Variants in CLIP2 observed in about 807,000 individuals in gnomAD.
The protein encoded by CLIP2 is CAP-Gly domain-containing linker protein 2.
A neutral mutation model predicts 111.7 loss-of-function variants in CLIP2; 41 were observed. The ratio of observed to expected loss-of-function variants is 0.37; its 90% CI spans 0.29 to 0.48. CLIP2 has a LOEUF of 0.48. Among genes scored for constraint, CLIP2 ranks in the 20% least tolerant of loss-of-function variants. The probability of loss-of-function intolerance (pLI) is 0.99; values close to 1 mark genes in which losing one functional copy is unlikely to be tolerated. For synonymous variants in CLIP2, 660 were observed against 644.2 expected, an observed-to-expected ratio of 1.02 and a Z score of -0.37; for missense variants, 1,160 against 1,422.1, an observed-to-expected ratio of 0.82 and a Z score of 2.96.
chr7:74,303,000 G>A (rs1554727067), intron 1 of CLIP2, among the ~76,000 whole-genome samples: 3 of 152,130 alleles, frequency 2.0e-5, no homozygotes, highest in African/African-American at 2.4e-5. Context: ...GCAGCTCCCC[G>A]CAGGCCTGGC....
chr7:74,338,649 G>A lies in CLIP2; in HGVS notation c.323G>A (p.Trp108Ter), dbSNP rs1554732642. The change falls in exon 3 of 17, where the codon TGG becomes TAG. Residue 108 changes from tryptophan to a stop codon, truncating the protein, a stop_gained. Coordinates refer to ENST00000223398, the MANE Select transcript of CLIP2 (RefSeq NM_003388.5). LOFTEE classifies it high-confidence loss of function. This position sits in a 1 kb window ranked among gnomAD's most constrained non-coding sequence, Gnocchi z 4.3. ...GAGACGCAGTTCGCACCGGGCCAGT[G>A]GGCTGGCGTGGTGCTGGACGACCCG... ...LGETQFAPGQ[W>*]AGVVLDDPVG... 1 of 1,569,888 alleles carries A rather than the reference G, an allele frequency of 6.4e-7. No individual in the cohort carries two copies. Among genetic ancestry groups the A allele is most frequent in the Non-Finnish European group, 8.6e-7 (1 of 1,160,328 alleles).
intron 2 of CLIP2, among the ~76,000 whole-genome samples, chr7:74,328,000 T>G (rs1789165706): frequency 6.6e-6 from 1 of 152,150 alleles, no homozygotes; most frequent in African/African-American, 2.4e-5. Context: ...TCAGGAAGAA[T>G]GCCCAGCAGA....
intron 7 of CLIP2, 29 bp downstream of exon 7, chr7:74,360,307 C>T (rs376541697): frequency 1.8e-5 from 28 of 1,516,384 alleles, no homozygotes; most frequent in Non-Finnish European, 2.3e-5. Flanking sequence ...TCGCCCTGGC[C>T]CTGAGTCCCC....
chr7:74,331,205 CAAAAAAAAA>C (rs58844348), intron 2 of CLIP2, among the ~76,000 whole-genome samples: 9 of 59,942 alleles, frequency 1.5e-4, no homozygotes, highest in African/African-American at 7.0e-4. Flanking sequence ...GACTCCATCT[CAAAAAAAAA>C]AAAAAAAAAA....
Position 74,382,090 on chromosome 7 carries a change from A to ATT in CLIP2, c.2479+1236_2479+1237dup, listed in dbSNP as rs34473926. Among the ~76,000 whole-genome samples the ATT allele has an allele frequency of 4.6e-4, 69 of 149,986 alleles. 1 individual carries two copies. The highest frequency in any genetic ancestry group is 3.4e-3 in the Middle Eastern group (1 of 292). The stretch of plus-strand genomic sequence containing the variant: ...GAAGTTAAGAGGTATTTCTATTTGC[A>ATT]TTTTTTTTTTGAGACGGAGTTTCAC... On this transcript the variant is annotated intron_variant, in intron 11 of 16. Coordinates refer to ENST00000223398, the MANE Select transcript of CLIP2 (RefSeq NM_003388.5).
chr7:74,314,821 G>GT (rs1326597804), intron 1 of CLIP2, among the ~76,000 whole-genome samples: 3 of 152,216 alleles, frequency 2.0e-5, no homozygotes, highest in Non-Finnish European at 4.4e-5. Context: ...AGGCCTGGGG[G>GT]TGGGGGGCTT....
In CLIP2 at chr7:74,403,866, G is replaced by T; in HGVS notation, c.*18G>T. On this transcript the variant is annotated 3_prime_UTR_variant, in exon 17 of 17. Transcript: ENST00000223398. ...AGCACTGATCCTGAGGGGATACTGTGGAGCAGCCCAGTCCACACCAGAGCC... is the reference window on the plus strand; with the variant it reads ...AGCACTGATCCTGAGGGGATACTGTTGAGCAGCCCAGTCCACACCAGAGCC... The T allele has an allele frequency of 6.2e-7, 1 of 1,613,000 alleles. No individual in the cohort carries two copies. The highest frequency in any genetic ancestry group is 8.5e-7 in the Non-Finnish European group (1 of 1,179,878).
intron 3 of CLIP2, among the ~76,000 whole-genome samples, 195 bp from the exon 4 acceptor site, chr7:74,353,685 G>C (rs1265397693): frequency 6.6e-6 from 1 of 152,208 alleles, no homozygotes; most frequent in South Asian, 2.1e-4. Flanking sequence ...GCCCTTGCCT[G>C]TGTCAGCCCT....
At chr7:74,327,365 A>G (rs918094742) in intron 2 of CLIP2, among the ~76,000 whole-genome samples, 3 of 152,028 alleles carry the variant, frequency 2.0e-5, no homozygotes, top group Non-Finnish European at 2.9e-5. Context: ...GGCCTCCCAA[A>G]CTGCTGGGAT....
At chr7:74,366,196 C>G (rs1790467141) in intron 8 of CLIP2, among the ~76,000 whole-genome samples, 1 of 152,090 alleles carries the variant, frequency 6.6e-6, no homozygotes, top group Non-Finnish European at 1.5e-5. Flanking sequence ...AGAAGGTTAT[C>G]AGGCTCATGG....
At position 74,376,457 on chromosome 7, in the gene CLIP2, C is replaced by T. The variant is rs202013043; in HGVS notation, c.2056C>T (p.Arg686Ter). Residue 686 changes from arginine (R) to a stop codon, truncating the protein, a stop_gained, in exon 10 of 17, where the codon CGA becomes TGA. Transcript: ENST00000223398. LOFTEE classifies it high-confidence loss of function. This position sits in a 1 kb window ranked among gnomAD's most constrained non-coding sequence, Gnocchi z 7.1. ...AMHVKEKEAL[R>*]EKLQEAQEEL... ...GCACGTGAAGGAGAAGGAGGCCCTG[C>T]GAGAGAAGCTGCAGGAGGCCCAGGA... The T allele has an allele frequency of 6.2e-7, 1 of 1,613,744 alleles. No homozygotes were observed. Among genetic ancestry groups the T allele is most frequent in the Non-Finnish European group, 8.5e-7 (1 of 1,179,956 alleles).
At chr7:74,403,721 G>T in intron 16 of CLIP2, 116 bp from the exon 17 acceptor site, 1 of 1,039,340 alleles carries the variant, frequency 9.6e-7, no homozygotes, top group Non-Finnish European at 1.5e-6. Flanking sequence ...CATGCAGTTC[G>T]CTCTATGCTC....
At chr7:74,377,865 G>T (rs1345255935) in intron 10 of CLIP2, among the ~76,000 whole-genome samples, 5 of 146,888 alleles carry the variant, frequency 3.4e-5, no homozygotes, top group Non-Finnish European at 7.5e-5. Flanking sequence ...TGCTCTTGTT[G>T]CCCAGGCTGG....
At chr7:74,357,596 A>T in intron 6 of CLIP2, 119 bp downstream of exon 6, 1 of 851,636 alleles carries the variant, frequency 1.2e-6, no homozygotes. Context: ...TAACACAAGC[A>T]GTACCTGTCC....
intron 4 of CLIP2, among the ~76,000 whole-genome samples, chr7:74,355,951 T>C (rs913979738): frequency 1.3e-5 from 2 of 152,120 alleles, no homozygotes; most frequent in African/African-American, 4.8e-5. Context: ...CTGAACAGTC[T>C]GTGGGAGCCA....
At position 74,404,587 on chromosome 7, in the gene CLIP2, G is replaced by A. The variant is rs1322174224; in HGVS notation, c.*739G>A. 1.3e-5 allele frequency: 2 copies of A among 152,692 alleles called. No individual in the cohort carries two copies. The highest frequency in any genetic ancestry group is 4.8e-5 in the African/African-American group (2 of 41,434). 9.5% of individuals were successfully genotyped at this position (152,692 alleles called of 1,614,324 possible). On this transcript the variant is annotated 3_prime_UTR_variant, in exon 17 of 17. Coordinates refer to ENST00000223398, the MANE Select transcript of CLIP2 (RefSeq NM_003388.5). Reference sequence around the variant, plus strand: ...AGGCCAAAGACACAGTATTATGAAGGTTTGGAAACCCCTCTCCTCACCTCC... The same window carrying A: ...AGGCCAAAGACACAGTATTATGAAGATTTGGAAACCCCTCTCCTCACCTCC...
intron 2 of CLIP2, among the ~76,000 whole-genome samples, chr7:74,335,637 G>A (rs191030898): frequency 8.6e-6 from 1 of 115,684 alleles, no homozygotes; most frequent in Non-Finnish European, 2.0e-5. Flanking sequence ...ACTGTGCCTG[G>A]CTTATTTTCC....
intron 13 of CLIP2, among the ~76,000 whole-genome samples, chr7:74,392,391 G>A (rs1000883792): frequency 9.2e-5 from 14 of 151,754 alleles, no homozygotes; most frequent in Non-Finnish European, 1.9e-4. Context: ...AAAATAGCTG[G>A]GCGTGGAGCA....
At position 74,400,459 on chromosome 7, in the gene CLIP2, G is replaced by A; in HGVS notation, c.2970G>A (p.Leu990=). 1 of 1,614,146 alleles carries A rather than the reference G, an allele frequency of 6.2e-7. No individual in the cohort carries two copies. Among genetic ancestry groups the A allele is most frequent in the Non-Finnish European group, 8.5e-7 (1 of 1,179,992 alleles). Residue 990 remains leucine, a synonymous_variant, in exon 15 of 17, where the codon CTG becomes CTA. Transcript: ENST00000223398. ...AGCTTCTGCGGCTGCAGCACCAGCTGATGAGCACGGAGGACGCCCTGCGGG... is the reference window on the plus strand; with the variant it reads ...AGCTTCTGCGGCTGCAGCACCAGCTAATGAGCACGGAGGACGCCCTGCGGG... ...APELLRLQHQ[L]MSTEDALRDA... is the part of the protein sequence containing the mutation.
Sources: gnomAD v4.1 joint callset for allele counts (sites outside exome capture counted in the v4.1 genomes callset) on GRCh38, gnomAD v4.1.1 for gene constraint, Gnocchi (gnomAD v3.1) non-coding constraint, MANE v1.5 for transcripts, NCBI Gene and HGNC (gene_info 2026-07-23, HGNC 2026-07-21) for gene names.